CDYL: variants seen among roughly 807,000 people sequenced by gnomAD.
CDYL encodes the protein chromodomain Y like.
CDYL carries 8 observed loss-of-function variants against 47.3 expected under a neutral mutation model. The ratio of observed to expected loss-of-function variants is 0.17; its 90% CI spans 0.10 to 0.31. The LOEUF (loss-of-function observed/expected upper bound fraction) is 0.31. CDYL is among the 10% of genes least tolerant of loss of function. The pLI, the probability that CDYL is intolerant of heterozygous loss-of-function variation, is 1.00. For missense variants in CDYL, 471 were observed against 701.4 expected, an observed-to-expected ratio of 0.67 and a Z score of 3.71; for synonymous variants, 266 against 265.0, an observed-to-expected ratio of 1.00 and a Z score of -0.04.
rs572765487 is a variant in CDYL at position 4,789,460 on chromosome 6, G to A, written c.24+12653G>A. Among the ~76,000 whole-genome samples, 429 of 152,168 alleles carry A rather than the reference G, an allele frequency of 2.8e-3. 1 individual carries two copies. Among genetic ancestry groups the A allele is most frequent in the Non-Finnish European group, 4.0e-3 (275 of 67,988 alleles). ...CGCACCACATCTGTCTTGCTGGGCC[G>A]GTTTTATTTCTGTTTCCCTGGCCCT... On this transcript the variant is annotated intron_variant, in intron 1 of 6. Coordinates refer to ENST00000397588, the MANE Select transcript of CDYL (RefSeq NM_004824.4).
intron 1 of CDYL, among the ~76,000 whole-genome samples, chr6:4,794,763 A>G (rs540927655): frequency 1.3e-5 from 2 of 152,204 alleles, no homozygotes; most frequent in South Asian, 2.1e-4. Flanking sequence ...ATTGATTCCT[A>G]GAAACTAGAG....
intron 1 of CDYL, among the ~76,000 whole-genome samples, chr6:4,823,878 T>A (rs1200681801): frequency 6.6e-6 from 1 of 152,246 alleles, no homozygotes; most frequent in African/African-American, 2.4e-5. Flanking sequence ...AACCATTATG[T>A]AAAAACTCCC....
intron 2 of CDYL, among the ~76,000 whole-genome samples, chr6:4,925,958 A>G (rs1394333714): frequency 6.6e-6 from 1 of 152,236 alleles, no homozygotes; most frequent in East Asian, 1.9e-4. Flanking sequence ...TTTATAACAT[A>G]CAACTAGTTA....
chr6:4,869,663 G>A (rs534015327), intron 1 of CDYL, among the ~76,000 whole-genome samples: 25 of 151,886 alleles, frequency 1.6e-4, no homozygotes, highest in East Asian at 5.8e-4. Flanking sequence ...TTAATTTATC[G>A]CAGCCCGCTT....
chr6:4,727,204 C>A (rs1462184002), intron 2 of CDYL, among the ~76,000 whole-genome samples: 1 of 152,122 alleles, frequency 6.6e-6, no homozygotes, highest in African/African-American at 2.4e-5. Flanking sequence ...TTCCATTGAA[C>A]CAGGAGTTTC....
At chr6:4,825,021 C>T (rs1171522010) in intron 1 of CDYL, among the ~76,000 whole-genome samples, 1 of 152,072 alleles carries the variant, frequency 6.6e-6, no homozygotes, top group Non-Finnish European at 1.5e-5. Flanking sequence ...CAGGTGCCCA[C>T]CACCAAGCCC....
In CDYL at chr6:4,760,314, C is replaced by T. The variant is rs112878006; in HGVS notation, c.186+25470C>T. Among the ~76,000 whole-genome samples, 1,005 of 151,224 alleles carry T rather than the reference C, an allele frequency of 6.6e-3. 17 individuals carry two copies. The highest frequency in any genetic ancestry group is 0.023 in the African/African-American group (953 of 41,128). ...GTTTAAGACACCCTTTGGAGCTCCC[C>T]CTTGAAAGCAAAGAGTAGTTATGCA... On this transcript the variant is annotated intron_variant, in intron 3 of 8. Coordinates refer to the CDYL transcript ENST00000328908.
At chr6:4,808,251 T>G (rs9378915) in intron 1 of CDYL, among the ~76,000 whole-genome samples, 2 of 152,360 alleles carry the variant, frequency 1.3e-5, no homozygotes, top group East Asian at 3.9e-4. Flanking sequence ...AGTGCATGCC[T>G]GTATCTTAGC....
intron 1 of CDYL, among the ~76,000 whole-genome samples, chr6:4,788,480 C>CTAAAAAA (rs1758820985): frequency 1.6e-5 from 1 of 61,064 alleles, no homozygotes; most frequent in African/African-American, 7.4e-5. Context: ...GAGACTCTGT[C>CTAAAAAA]AAAAAAAAAA....
intron 1 of CDYL, among the ~76,000 whole-genome samples, chr6:4,786,161 G>A (rs995789663): frequency 1.3e-5 from 2 of 152,220 alleles, no homozygotes; most frequent in Admixed American, 6.5e-5. Flanking sequence ...GTGGAGGTGG[G>A]AGGGAGGAGG....
At chr6:4,900,820 T>G (rs1249255042) in intron 2 of CDYL, among the ~76,000 whole-genome samples, 2 of 94,760 alleles carry the variant, frequency 2.1e-5, no homozygotes, top group African/African-American at 3.7e-5. Flanking sequence ...TATATATATA[T>G]ATATATATAT....
At chr6:4,715,917 A>C (rs1414469421) in intron 2 of CDYL, 2 of 1,597,730 alleles carry the variant, frequency 1.3e-6, no homozygotes, top group African/African-American at 2.7e-5. Context: ...GTTCTGATGC[A>C]GTAGGCAGAA....
At chr6:4,751,785 A>T (rs1411993561) in intron 3 of CDYL, among the ~76,000 whole-genome samples, 1 of 152,270 alleles carries the variant, frequency 6.6e-6, no homozygotes, top group Non-Finnish European at 1.5e-5. Flanking sequence ...AGAAGAAACC[A>T]TACTTAGAAA....
intron 3 of CDYL, among the ~76,000 whole-genome samples, chr6:4,769,965 T>G (rs1051966814): frequency 2.2e-5 from 3 of 137,906 alleles, no homozygotes; most frequent in South Asian, 2.4e-4. Context: ...CCCGGCTAAT[T>G]TGTGTGTGTG....
intron 1 of CDYL, among the ~76,000 whole-genome samples, chr6:4,712,591 C>T (rs890637778): frequency 3.3e-5 from 5 of 152,242 alleles, no homozygotes; most frequent in African/African-American, 1.2e-4. Context: ...ATGGTGGGTA[C>T]TCTCATGCCC....
intron 3 of CDYL, among the ~76,000 whole-genome samples, chr6:4,737,092 T>C (rs574134323): frequency 7.9e-5 from 12 of 152,192 alleles, no homozygotes; most frequent in Non-Finnish European, 1.8e-4. Flanking sequence ...GGAATGTCTT[T>C]TCATGTTAAA....
At chr6:4,909,836 G>A (rs968887026) in intron 2 of CDYL, among the ~76,000 whole-genome samples, 2 of 151,832 alleles carry the variant, frequency 1.3e-5, no homozygotes, top group Non-Finnish European at 2.9e-5. Flanking sequence ...GCCTCCCAAA[G>A]TGCTGGGATT....
intron 3 of CDYL, among the ~76,000 whole-genome samples, chr6:4,749,880 C>T (rs1452872865): frequency 6.6e-6 from 1 of 152,092 alleles, no homozygotes; most frequent in African/African-American, 2.4e-5. Context: ...TACACCAACA[C>T]AATAGGAAAA....
At chr6:4,904,625 T>C (rs1429961892) in intron 2 of CDYL, among the ~76,000 whole-genome samples, 2 of 152,234 alleles carry the variant, frequency 1.3e-5, no homozygotes, top group Non-Finnish European at 2.9e-5. Flanking sequence ...TTGTTTGTGC[T>C]TAAAAAGAAC....
Sources: allele counts gnomAD v4.1 joint callset (sites outside exome capture counted in the v4.1 genomes callset), GRCh38; gene constraint gnomAD v4.1.1; transcripts MANE v1.5; gene names NCBI Gene and HGNC (gene_info 2026-07-23, HGNC 2026-07-21).